Variants in MROH9 observed in about 807,000 individuals in gnomAD.
The protein encoded by MROH9 is maestro heat like repeat family member 9, also known as maestro heat-like repeat-containing protein family member 9.
A neutral mutation model predicts 98.2 loss-of-function variants in MROH9; 92 were observed. The observed-to-expected ratio is 0.94, with a 90% CI of 0.79 to 1.11. The LOEUF is 1.11. Among genes scored for constraint, MROH9 ranks in the 50% most tolerant of loss-of-function variants. The probability of loss-of-function intolerance (pLI) is 0.00; values close to 1 mark genes in which losing one functional copy is unlikely to be tolerated. For synonymous variants in MROH9, 397 were observed against 368.9 expected, an observed-to-expected ratio of 1.08 and a Z score of -0.87; for missense variants, 1,057 against 1,014.8, an observed-to-expected ratio of 1.04 and a Z score of -0.57.
chr1:171,058,762 TA>T (rs1456116568), intron 20 of MROH9, among the ~76,000 whole-genome samples: 1 of 152,200 alleles, frequency 6.6e-6, no homozygotes, highest in Non-Finnish European at 1.5e-5. Context: ...TCCTATTTAA[TA>T]AATGGTGCTG....
chr1:170,965,618 T>C (rs1350009696), intron 7 of MROH9, among the ~76,000 whole-genome samples: 1 of 152,134 alleles, frequency 6.6e-6, no homozygotes, highest in African/African-American at 2.4e-5. Context: ...AAGCTGTTAT[T>C]TATTTTAAAT....
chr1:171,057,874 A>G (rs1653894189), intron 20 of MROH9, among the ~76,000 whole-genome samples: 1 of 152,216 alleles, frequency 6.6e-6, no homozygotes, highest in African/African-American at 2.4e-5. Context: ...AATAAGCTTC[A>G]TAAGTGAAGA....
In MROH9 at chr1:170,996,535, C is replaced by T; in HGVS notation, c.1366C>T (p.Leu456=). ...LYAQDALRVL[L]NCSGLQQVDI... ...TGCCCAGGATGCCCTGAGAGTTCTGCTGAATTGTTCTGGACTGCAACAGGT... is the reference window on the plus strand; with the variant it reads ...TGCCCAGGATGCCCTGAGAGTTCTGTTGAATTGTTCTGGACTGCAACAGGT... The change falls in exon 14 of 22, where the codon CTG becomes TTG. Residue 456 remains leucine (L), a synonymous_variant. Coordinates refer to ENST00000367759, the MANE Select transcript of MROH9 (RefSeq NM_001163629.2). 3.1e-6 allele frequency: 5 copies of T among 1,613,480 alleles called. No homozygotes were observed. Among genetic ancestry groups the T allele is most frequent in the Non-Finnish European group, 4.2e-6 (5 of 1,179,648 alleles).
At chr1:171,057,329 TC>T (rs1653871621) in intron 20 of MROH9, among the ~76,000 whole-genome samples, 1 of 152,040 alleles carries the variant, frequency 6.6e-6, no homozygotes, top group African/African-American at 2.4e-5. Context: ...TACACAAATA[TC>T]AATAACTGAA....
chr1:171,017,795 G>A (rs1652378920), intron 17 of MROH9, among the ~76,000 whole-genome samples: 1 of 152,162 alleles, frequency 6.6e-6, no homozygotes, highest in Admixed American at 6.5e-5. Context: ...GTTGACGAGT[G>A]CCTCTTCAGG....
chr1:170,968,941 C>A (rs1650336877), intron 7 of MROH9, among the ~76,000 whole-genome samples: 1 of 152,008 alleles, frequency 6.6e-6, no homozygotes, highest in Non-Finnish European at 1.5e-5. Flanking sequence ...TCTATAAACC[C>A]AGCACAGGAA....
intron 20 of MROH9, among the ~76,000 whole-genome samples, chr1:171,043,273 A>T (rs1653364833): frequency 6.6e-6 from 1 of 152,020 alleles, no homozygotes; most frequent in Non-Finnish European, 1.5e-5. Context: ...CTTTGTCAAA[A>T]ATGAGTTTAC....
chr1:170,988,644 A>G (rs1443957816), intron 10 of MROH9, among the ~76,000 whole-genome samples: 1 of 152,200 alleles, frequency 6.6e-6, no homozygotes, highest in African/African-American at 2.4e-5. Flanking sequence ...TACTGAAAAC[A>G]GTGGATTCTT....
chr1:171,041,347 A>ATGTGTG (rs377650131), intron 20 of MROH9, among the ~76,000 whole-genome samples: 13,911 of 80,348 alleles, frequency 0.17, 1,559 homozygotes, highest in South Asian at 0.34. Flanking sequence ...GTATTCCATG[A>ATGTGTG]TGTGTGTGTG....
chr1:170,958,431 T>TCTTC, intron 3 of MROH9, 30 bp from the exon 4 acceptor site: 1 of 786,270 alleles, frequency 1.3e-6, no homozygotes, highest in Non-Finnish European at 1.8e-6. Context: ...TAATTCTTCT[T>TCTTC]TTTTTTTTTT....
At chr1:171,039,693 TA>T (rs1447871337) in intron 20 of MROH9, among the ~76,000 whole-genome samples, 1 of 152,122 alleles carries the variant, frequency 6.6e-6, no homozygotes, top group African/African-American at 2.4e-5. Context: ...AATTTGACAT[TA>T]GGGGGAATTA....
rs746884765 is a variant in MROH9, at chr1:170,971,787, G to A, written c.520G>A (p.Glu174Lys). 27 of 1,613,970 alleles carry A rather than the reference G, an allele frequency of 1.7e-5. No homozygotes were observed. In the African/African-American group the frequency reaches 3.2e-4, roughly 19 times the overall value. The part of the protein sequence containing the change: ...DAPCLGLLAA[E>K]LSLLCSHEDP... ...TCCATGTTTGGGTCTCCTGGCAGCA[G>A]AGCTGTCTCTTTTGTGTTCCCATGA... The change falls in exon 8 of 22, where the codon GAG becomes AAG. Residue 174 changes from glutamate (E) to lysine (K), a missense_variant. Transcript: ENST00000367759.
chr1:171,008,506 T>G (rs1375021021), intron 15 of MROH9, among the ~76,000 whole-genome samples: 3 of 152,264 alleles, frequency 2.0e-5, no homozygotes, highest in Non-Finnish European at 2.9e-5. Context: ...ATGGAATTAC[T>G]TATGATTCTT....
At chr1:170,956,113 ATC>A (rs1649747659) in intron 3 of MROH9, among the ~76,000 whole-genome samples, 1 of 152,180 alleles carries the variant, frequency 6.6e-6, no homozygotes, top group Non-Finnish European at 1.5e-5. Context: ...TTTGTCAAAG[ATC>A]AGTTGGCTGT....
rs561020248 is a variant in MROH9 at position 170,951,633 on chromosome 1, G to A, written c.72+4060G>A. On this transcript the variant is annotated intron_variant, in intron 3 of 21. Transcript: ENST00000367759. ...AAGGCAGGACTAGCAGGATGGAAGA[G>A]CCTGCAGGGAAAGACACCTCCTAGC... 4.6e-5 allele frequency among the ~76,000 whole-genome samples: 7 copies of A among 152,256 alleles called. No individual in the cohort carries two copies. In the South Asian group the frequency reaches 8.3e-4, roughly 18 times the overall value.
At chr1:171,008,161 C>T (rs1027586819) in intron 15 of MROH9, among the ~76,000 whole-genome samples, 1 of 152,088 alleles carries the variant, frequency 6.6e-6, no homozygotes, top group Non-Finnish European at 1.5e-5. Context: ...ATTGGAGATA[C>T]ACTGTTATTA....
At chr1:170,953,098 T>C (rs560133717) in intron 3 of MROH9, among the ~76,000 whole-genome samples, 1 of 152,282 alleles carries the variant, frequency 6.6e-6, no homozygotes, top group Admixed American at 6.5e-5. Context: ...ACTGAATTTA[T>C]AGATTAAGTT....
chr1:171,033,993 C>A (rs368019757), intron 20 of MROH9, among the ~76,000 whole-genome samples: 1 of 151,980 alleles, frequency 6.6e-6, no homozygotes, highest in East Asian at 1.9e-4. Flanking sequence ...TGGAACTGCA[C>A]GATTCCATAA....
At chr1:170,944,164 G>A (rs1319704445) in intron 1 of MROH9, among the ~76,000 whole-genome samples, 2 of 151,902 alleles carry the variant, frequency 1.3e-5, no homozygotes, top group Non-Finnish European at 2.9e-5. Context: ...GAGTGACAGA[G>A]AAGAGAAAAT....
Sources: gnomAD v4.1 joint callset for allele counts (sites outside exome capture counted in the v4.1 genomes callset) on GRCh38, gnomAD v4.1.1 for gene constraint, MANE v1.5 for transcripts, NCBI Gene and HGNC (gene_info 2026-07-23, HGNC 2026-07-21) for gene names.